ERC2: variants seen among roughly 807,000 people sequenced by gnomAD.
ERC2 encodes the protein ELKS/RAB6-interacting/CAST family member 2, also known as ERC protein 2.
ERC2 carries 42 observed loss-of-function variants against 114.8 expected under a neutral mutation model. That is an observed-to-expected ratio of 0.37 (90% CI 0.29 to 0.47). The LOEUF is 0.47. Among genes scored for constraint, ERC2 ranks in the 20% least tolerant of loss-of-function variants. The pLI is 0.99. For synonymous variants in ERC2, 454 were observed against 425.5 expected, an observed-to-expected ratio of 1.07 and a Z score of -0.82; for missense variants, 939 against 1,150.7, an observed-to-expected ratio of 0.82 and a Z score of 2.66.
At chr3:56,170,585 G>GTTTTTTTT (rs1178172687) in intron 4 of ERC2, among the ~76,000 whole-genome samples, 2 of 61,762 alleles carry the variant, frequency 3.2e-5, no homozygotes, top group African/African-American at 1.2e-4. Context: ...AATCTCTTCT[G>GTTTTTTTT]TTTTTTTTTT....
intron 3 of ERC2, among the ~76,000 whole-genome samples, chr3:56,269,774 T>C (rs1419581388): frequency 6.6e-6 from 1 of 152,186 alleles, no homozygotes; most frequent in Non-Finnish European, 1.5e-5. Context: ...CAGAACGGTC[T>C]ATGTGTTAAG....
chr3:56,406,360 A>G (rs536442204), intron 2 of ERC2, among the ~76,000 whole-genome samples: 4 of 152,312 alleles, frequency 2.6e-5, no homozygotes, highest in Non-Finnish European at 5.9e-5. Context: ...CTCCTTCTCC[A>G]GTGGTGTGAG....
chr3:55,667,905 T>C (rs1401551438), intron 17 of ERC2, among the ~76,000 whole-genome samples: 1 of 152,176 alleles, frequency 6.6e-6, no homozygotes, highest in Non-Finnish European at 1.5e-5. Flanking sequence ...CACTATTGAA[T>C]CTAGGGCTGG....
chr3:55,986,764 C>G (rs2070673797), intron 11 of ERC2, among the ~76,000 whole-genome samples: 1 of 151,146 alleles, frequency 6.6e-6, no homozygotes, highest in Admixed American at 6.6e-5. Context: ...ATGTCCGTCT[C>G]ATTGGTTAAA....
chr3:56,209,125 C>A (rs1229159692), intron 3 of ERC2, among the ~76,000 whole-genome samples: 1 of 152,174 alleles, frequency 6.6e-6, no homozygotes, highest in Admixed American at 6.5e-5. Flanking sequence ...TTTTGCCACT[C>A]TGCCCAGCCT....
chr3:55,844,241 T>C (rs528445596), intron 14 of ERC2, among the ~76,000 whole-genome samples: 1 of 152,218 alleles, frequency 6.6e-6, no homozygotes, highest in African/African-American at 2.4e-5. Context: ...CAAATGTTCA[T>C]CAAAACACAG....
intron 8 of ERC2, 79 bp downstream of exon 8, chr3:56,018,815 A>C: frequency 6.7e-7 from 1 of 1,498,262 alleles, no homozygotes; most frequent in Non-Finnish European, 9.1e-7. Context: ...AAGCAGGCAC[A>C]TTTAAATGCA....
chr3:55,862,884 A>T (rs1430060129), intron 14 of ERC2, among the ~76,000 whole-genome samples: 1 of 152,176 alleles, frequency 6.6e-6, no homozygotes, highest in Non-Finnish European at 1.5e-5. Flanking sequence ...TATGTTTTAA[A>T]ATCTCCATAC....
chr3:55,817,265 T>G (rs922028061), intron 14 of ERC2, among the ~76,000 whole-genome samples: 40 of 152,338 alleles, frequency 2.6e-4, no homozygotes, highest in Middle Eastern at 3.4e-3. Context: ...AGCTCTGACT[T>G]GCTACTCTGG....
At chr3:56,035,066 C>CA (rs1267676597) in intron 7 of ERC2, among the ~76,000 whole-genome samples, 1 of 151,754 alleles carries the variant, frequency 6.6e-6, no homozygotes, top group Non-Finnish European at 1.5e-5. Context: ...ACAAAATTGA[C>CA]AAACCTTTAG....
chr3:56,184,530 C>T (rs1490463080), intron 3 of ERC2, among the ~76,000 whole-genome samples: 2 of 152,142 alleles, frequency 1.3e-5, no homozygotes, highest in Non-Finnish European at 2.9e-5. Flanking sequence ...CACAGCATTC[C>T]ACCACATAGG....
intron 14 of ERC2, among the ~76,000 whole-genome samples, chr3:55,783,782 CCAAA>C (rs1185821543): frequency 6.6e-6 from 1 of 152,080 alleles, no homozygotes; most frequent in African/African-American, 2.4e-5. Context: ...GTGAGGATCA[CCAAA>C]CACCCATCCC....
At chr3:55,787,286 C>T (rs566777189) in intron 14 of ERC2, among the ~76,000 whole-genome samples, 13 of 151,978 alleles carry the variant, frequency 8.6e-5, no homozygotes, top group East Asian at 3.9e-4. Context: ...TGTGGTGGTG[C>T]GCGCCTGTAG....
intron 17 of ERC2, among the ~76,000 whole-genome samples, chr3:55,521,149 A>G (rs1414381754): frequency 3.3e-5 from 5 of 152,162 alleles, no homozygotes; most frequent in Non-Finnish European, 7.4e-5. Flanking sequence ...GCTGGTGACT[A>G]ATTAGGGGTC....
intron 1 of ERC2, among the ~76,000 whole-genome samples, chr3:56,445,440 T>C (rs2062516365): frequency 6.6e-6 from 1 of 152,224 alleles, no homozygotes; most frequent in Non-Finnish European, 1.5e-5. Context: ...TGAACCAATG[T>C]GACTCTTGCA....
chr3:56,046,881 C>T (rs2075492598), intron 7 of ERC2, among the ~76,000 whole-genome samples: 1 of 152,206 alleles, frequency 6.6e-6, no homozygotes, highest in Non-Finnish European at 1.5e-5. Context: ...CAGTAACCAT[C>T]TGCATTTAAG....
At chr3:56,374,684 C>G (rs2059475349) in intron 2 of ERC2, among the ~76,000 whole-genome samples, 2 of 152,076 alleles carry the variant, frequency 1.3e-5, no homozygotes, top group African/African-American at 4.8e-5. Context: ...GTTATCAGTA[C>G]CCACTATTAT....
chr3:55,818,914 A>G (rs1266587167), intron 14 of ERC2, among the ~76,000 whole-genome samples: 1 of 152,228 alleles, frequency 6.6e-6, no homozygotes, highest in East Asian at 1.9e-4. Context: ...CCGCAAGTCC[A>G]CAAGTATCTT....
chr3:55,694,398 A>G (rs1440776532), intron 16 of ERC2, among the ~76,000 whole-genome samples: 2 of 152,218 alleles, frequency 1.3e-5, no homozygotes, highest in Non-Finnish European at 2.9e-5. Context: ...TGGGACAAAG[A>G]ATCTGAATAT....
Sources: gnomAD v4.1 joint callset for allele counts (sites outside exome capture counted in the v4.1 genomes callset) on GRCh38, gnomAD v4.1.1 for gene constraint, MANE v1.5 for transcripts, NCBI Gene and HGNC (gene_info 2026-07-23, HGNC 2026-07-21) for gene names.